SLC24A2: variants seen among roughly 807,000 people sequenced by gnomAD.
SLC24A2 encodes the protein solute carrier family 24 member 2.
A neutral mutation model predicts 62.0 loss-of-function variants in SLC24A2; 36 were observed. The ratio of observed to expected loss-of-function variants is 0.58; its 90% CI spans 0.44 to 0.77. SLC24A2 has a LOEUF of 0.77. SLC24A2 is among the 30% of genes least tolerant of loss of function. The pLI is 0.00. For synonymous variants in SLC24A2, 358 were observed against 294.0 expected (o/e 1.22, Z -2.23); for missense variants, 846 against 817.9 (o/e 1.03, Z -0.42).
At chr9:20,179,391 G>A in the SLC24A2 span, among the ~76,000 whole-genome samples, 1 of 152,164 alleles carries the variant, frequency 6.6e-6, no homozygotes, top group Non-Finnish European at 1.5e-5. Context: ...GAAATGTCCT[G>A]GTGTACGGAC....
At chr9:19,672,729 T>G (rs148177353) in intron 2 of SLC24A2, among the ~76,000 whole-genome samples, 5,221 of 146,322 alleles carry the variant, frequency 0.036, 849 homozygotes, top group African/African-American at 0.097. Flanking sequence ...TTTGATAGGT[T>G]GTGTCACTAT....
chr9:20,054,898 A>G, the SLC24A2 span, among the ~76,000 whole-genome samples: 1 of 152,240 alleles, frequency 6.6e-6, no homozygotes, highest in Non-Finnish European at 1.5e-5. Context: ...GCATTAACTT[A>G]GTAATGATGC....
the SLC24A2 span, among the ~76,000 whole-genome samples, chr9:20,065,527 T>G: frequency 6.6e-6 from 1 of 152,158 alleles, no homozygotes. Flanking sequence ...CAAGCACTAT[T>G]AGGTACTTTT....
chr9:20,195,534 C>G, the SLC24A2 span, among the ~76,000 whole-genome samples: 1 of 152,162 alleles, frequency 6.6e-6, no homozygotes, highest in East Asian at 1.9e-4. Flanking sequence ...TGGTTGTCTG[C>G]CTTTTTCTCT....
chr9:19,925,865 G>A, the SLC24A2 span, among the ~76,000 whole-genome samples: 6 of 152,242 alleles, frequency 3.9e-5, no homozygotes, highest in Non-Finnish European at 8.8e-5. Context: ...GATTTTAATC[G>A]TGTGCTACAC....
At chr9:19,987,516 T>C in the SLC24A2 span, among the ~76,000 whole-genome samples, 1 of 152,148 alleles carries the variant, frequency 6.6e-6, no homozygotes, top group Non-Finnish European at 1.5e-5. Flanking sequence ...CCAAAATCTG[T>C]CCAATGCTCA....
At position 19,718,771 on chromosome 9, in the gene SLC24A2, G is replaced by T. The variant is rs1404237844; in HGVS notation, c.930+67166C>A. Among the ~76,000 whole-genome samples, 3 of 152,240 alleles carry T rather than the reference G, an allele frequency of 2.0e-5. No homozygotes were observed. In the East Asian group the frequency reaches 5.8e-4, roughly 29 times the overall value. On this transcript the variant is annotated intron_variant, in intron 2 of 10. Coordinates refer to ENST00000341998, the MANE Select transcript of SLC24A2 (RefSeq NM_020344.4). ...CTTATGTAAAGTTTCCTGTGGGAAGGCTTTCTTTTAGTTCATTGAAAGATG... is the reference window on the plus strand; with the variant it reads ...CTTATGTAAAGTTTCCTGTGGGAAGTCTTTCTTTTAGTTCATTGAAAGATG...
intron 5 of SLC24A2, among the ~76,000 whole-genome samples, chr9:19,589,582 A>AT (rs1836490102): frequency 1.3e-5 from 2 of 152,256 alleles, no homozygotes; most frequent in East Asian, 1.9e-4. Context: ...GGGAATATAT[A>AT]TTTTTTCATC....
At chr9:20,134,508 C>T in the SLC24A2 span, among the ~76,000 whole-genome samples, 1 of 152,042 alleles carries the variant, frequency 6.6e-6, no homozygotes, top group South Asian at 2.1e-4. Context: ...AGAAAGGAAA[C>T]CGAAAGAGCC....
chr9:19,706,015 C>T (rs2118559810), intron 2 of SLC24A2, among the ~76,000 whole-genome samples: 1 of 152,032 alleles, frequency 6.6e-6, no homozygotes, highest in South Asian at 2.1e-4. Context: ...GTTGATCTGT[C>T]TAATGTTGAC....
the SLC24A2 span, among the ~76,000 whole-genome samples, chr9:20,306,113 T>C: frequency 1.3e-5 from 2 of 152,182 alleles, no homozygotes; most frequent in Non-Finnish European, 2.9e-5. Context: ...GACTTCAATG[T>C]ATGAATTGGA....
chr9:19,681,377 A>G (rs1182616532), intron 2 of SLC24A2, among the ~76,000 whole-genome samples: 2 of 151,506 alleles, frequency 1.3e-5, no homozygotes, highest in Non-Finnish European at 1.5e-5. Context: ...AGAACTCCCT[A>G]TCTCTTTTCT....
chr9:19,742,771 C>T (rs1399849838), intron 2 of SLC24A2, among the ~76,000 whole-genome samples: 1 of 152,168 alleles, frequency 6.6e-6, no homozygotes. Context: ...CTATCCCCTA[C>T]CTCCACATAC....
intron 2 of SLC24A2, among the ~76,000 whole-genome samples, chr9:19,709,323 C>G (rs1218242378): frequency 6.6e-6 from 1 of 152,126 alleles, no homozygotes; most frequent in African/African-American, 2.4e-5. Flanking sequence ...TAAACTAGTT[C>G]AACTATTGTG....
chr9:19,903,477 T>C, the SLC24A2 span, among the ~76,000 whole-genome samples: 2 of 152,166 alleles, frequency 1.3e-5, no homozygotes, highest in African/African-American at 2.4e-5. Context: ...CTTTGGAATA[T>C]TAATTCTGGG....
the SLC24A2 span, among the ~76,000 whole-genome samples, chr9:20,235,211 T>A: frequency 6.6e-6 from 1 of 152,188 alleles, no homozygotes; most frequent in Non-Finnish European, 1.5e-5. Flanking sequence ...TGTTCTCAGA[T>A]CTCCAGCTGC....
chr9:19,961,571 C>G, the SLC24A2 span, among the ~76,000 whole-genome samples: 1 of 152,172 alleles, frequency 6.6e-6, no homozygotes, highest in Admixed American at 6.5e-5. Context: ...TCCTTCTTGC[C>G]ACCTGTGCCA....
chr9:19,852,994 A>G, the SLC24A2 span, among the ~76,000 whole-genome samples: 13 of 152,080 alleles, frequency 8.5e-5, no homozygotes, highest in Non-Finnish European at 1.5e-4. Context: ...TATTTCCTTG[A>G]GCAATGGTTT....
At chr9:20,181,881 A>G in the SLC24A2 span, among the ~76,000 whole-genome samples, 2 of 152,212 alleles carry the variant, frequency 1.3e-5, no homozygotes, top group South Asian at 2.1e-4. Flanking sequence ...TTTGCAATCT[A>G]TCCATCTGAC....
Sources: gnomAD v4.1 joint callset for allele counts (sites outside exome capture counted in the v4.1 genomes callset) on GRCh38, gnomAD v4.1.1 for gene constraint, MANE v1.5 for transcripts, NCBI Gene and HGNC (gene_info 2026-07-23, HGNC 2026-07-21) for gene names.